The following POGLUT3 variants were observed in gnomAD, a reference collection of about 807,000 sequenced individuals.
The protein encoded by POGLUT3 is protein O-glucosyltransferase 3, also known as KDEL (Lys-Asp-Glu-Leu) containing 2.
In POGLUT3, 48 loss-of-function variants were observed where a neutral mutation model predicts 54.3. The ratio of observed to expected loss-of-function variants is 0.88; its 90% CI spans 0.70 to 1.12. The LOEUF (loss-of-function observed/expected upper bound fraction) is 1.12, where lower values mean the gene tolerates loss of function less well. POGLUT3 is among the 50% of genes most tolerant of loss of function. The pLI is 0.00. For synonymous variants in POGLUT3, 218 were observed against 237.4 expected, an observed-to-expected ratio of 0.92 and a Z score of 0.75; for missense variants, 629 against 618.7, an observed-to-expected ratio of 1.02 and a Z score of -0.18.
At chr11:108,478,003 G>T (rs1469945864) in intron 6 of POGLUT3, 2 of 319,664 alleles carry the variant, frequency 6.3e-6, no homozygotes, top group Non-Finnish European at 1.2e-5. Context: ...ACAAAAATTA[G>T]CTGGGTGTGG....
At chr11:108,475,454 G>GTTT (rs1182179068) in intron 7 of POGLUT3, among the ~76,000 whole-genome samples, 1,147 of 109,114 alleles carry the variant, frequency 0.011, 71 homozygotes, top group African/African-American at 0.021. Flanking sequence ...TATAAATGGA[G>GTTT]TTTTTTTTGT....
At chr11:108,497,066 T>C (rs752943008) in intron 1 of POGLUT3, among the ~76,000 whole-genome samples, 4 of 152,240 alleles carry the variant, frequency 2.6e-5, no homozygotes, top group Non-Finnish European at 5.9e-5. Flanking sequence ...CACTGCACTC[T>C]GTACATACCT....
chr11:108,492,009 G>A (rs1413914668), intron 1 of POGLUT3, among the ~76,000 whole-genome samples: 1 of 152,002 alleles, frequency 6.6e-6, no homozygotes, highest in Non-Finnish European at 1.5e-5. Flanking sequence ...CAAATTTCAA[G>A]TGGTACTTCT....
intron 3 of POGLUT3, among the ~76,000 whole-genome samples, chr11:108,484,119 G>A (rs2093598177): frequency 6.6e-6 from 1 of 152,110 alleles, no homozygotes; most frequent in Non-Finnish European, 1.5e-5. Flanking sequence ...ACTGTAGGAT[G>A]CTTACCCACT....
chr11:108,479,559 A>AATACCACTGAATACAGTGTTCTGC (rs2093588870), intron 5 of POGLUT3, 64 bp from the exon 6 acceptor site: 1 of 1,227,932 alleles, frequency 8.1e-7, no homozygotes, highest in Non-Finnish European at 1.1e-6. Flanking sequence ...TCTGCTCCTC[A>AATACCACTGAATACAGTGTTCTGC]TCAACACTGT....
In POGLUT3 at chr11:108,486,417, C is replaced by G. The variant is rs1188966816; in HGVS notation, c.424G>C (p.Glu142Gln). 10 of 1,614,094 alleles carry G rather than the reference C, an allele frequency of 6.2e-6. No homozygotes were observed. Among genetic ancestry groups the G allele is most frequent in the Non-Finnish European group, 7.6e-6 (9 of 1,180,014 alleles). ...LKGPVYHEYCECPEDPQAWQK... is the reference protein window; with the variant it reads ...LKGPVYHEYCQCPEDPQAWQK... ...CAGGCCTGAGGATCTTCCGGACACT[C>G]ACAGTACTCATGGTACACTGGTCCT... The change falls in exon 3 of 8, where the codon GAG becomes CAG. Residue 142 changes from glutamate (E) to glutamine (Q), a missense_variant. Physicochemically the swap from Glu to Gln is conservative, Grantham distance 29. Coordinates refer to ENST00000323468, the MANE Select transcript of POGLUT3 (RefSeq NM_153705.5).
rs766673796 is a variant in POGLUT3 at position 108,481,227 on chromosome 11, T to C, written c.1051A>G (p.Lys351Glu). Reference sequence around the variant, plus strand: ...ATCAACTTGGCTTTTCCAAGCTCCTTTTCTTTCTCTTGGAAAAAGAAATAT... The same window carrying C: ...ATCAACTTGGCTTTTCCAAGCTCCTCTTCTTTCTCTTGGAAAAAGAAATAT... Reference protein sequence around the residue: ...TGYFFFQEKEKELGKAKLMGF... With the variant: ...TGYFFFQEKEEELGKAKLMGF... The change falls in exon 5 of 8, where the codon AAG (lysine) becomes GAG (glutamate). Residue 351 changes from lysine to glutamate, a missense_variant. Lys to Glu is a moderately conservative substitution (Grantham distance 56). Transcript: ENST00000323468. The C allele has an allele frequency of 7.7e-5, 124 of 1,612,054 alleles. 1 individual carries two copies. In the South Asian group the frequency reaches 1.3e-3, roughly 17 times the overall value.
chr11:108,477,586 G>T (rs1478425372), intron 7 of POGLUT3, 21 bp downstream of exon 7: 1 of 1,465,054 alleles, frequency 6.8e-7, no homozygotes, highest in East Asian at 2.3e-5. Context: ...CCAGCAGTGT[G>T]GACGGACACT....
chr11:108,492,830 T>C (rs1209194686), intron 1 of POGLUT3, among the ~76,000 whole-genome samples: 1 of 152,214 alleles, frequency 6.6e-6, no homozygotes, highest in Admixed American at 6.5e-5. Context: ...TTATTAGAAA[T>C]GTTGGCCAGT....
Position 108,486,138 on chromosome 11 carries a change from A to C in POGLUT3, c.684+19T>G. On this transcript the variant is annotated intron_variant, in intron 3 of 7. Transcript: ENST00000323468. ...ACCTAAATAATTAAACTGTATTATC[A>C]ATTCATTCATTCTCCTACCTTTCTT... 6.5e-7 allele frequency: 1 copy of C among 1,544,444 alleles called. No homozygotes were observed. The highest frequency in any genetic ancestry group is 8.9e-7 in the Non-Finnish European group (1 of 1,120,242).
intron 3 of POGLUT3, among the ~76,000 whole-genome samples, chr11:108,483,314 T>C (rs367850814): frequency 6.6e-6 from 1 of 152,174 alleles, no homozygotes; most frequent in Non-Finnish European, 1.5e-5. Flanking sequence ...CACCTCAACA[T>C]GTAATTCCAT....
In POGLUT3 at chr11:108,482,135, G is replaced by C; in HGVS notation, c.772C>G (p.Pro258Ala). ...AGAGAGCCACACCATGAAATGATAGGTATGGGGCTAGGGGTTCCATTGACT... is the reference window on the plus strand; with the variant it reads ...AGAGAGCCACACCATGAAATGATAGCTATGGGGCTAGGGGTTCCATTGACT... Reference protein sequence around the residue: ...RKVNGTPSPIPIISWCGSLDS... With the variant: ...RKVNGTPSPIAIISWCGSLDS... Residue 258 changes from proline to alanine, a missense_variant, in exon 4 of 8, where the codon CCT becomes GCT. Transcript: ENST00000323468. 6.2e-7 allele frequency: 1 copy of C among 1,613,986 alleles called. No homozygotes were observed. Among genetic ancestry groups the C allele is most frequent in the South Asian group, 1.1e-5 (1 of 91,086 alleles).
At chr11:108,494,423 C>T (rs913223402) in intron 1 of POGLUT3, among the ~76,000 whole-genome samples, 2 of 152,180 alleles carry the variant, frequency 1.3e-5, no homozygotes, top group Admixed American at 6.5e-5. Context: ...CGACGAACAC[C>T]CTCCAAGATC....
Position 108,474,683 on chromosome 11 carries a change from G to C in POGLUT3, c.*144C>G. The C allele has an allele frequency of 1.3e-6, 1 of 771,450 alleles. No individual in the cohort carries two copies. The highest frequency in any genetic ancestry group is 2.0e-6 in the Non-Finnish European group (1 of 488,236). 47.8% of individuals were successfully genotyped at this position (771,450 alleles called of 1,614,324 possible). On this transcript the variant is annotated 3_prime_UTR_variant, in exon 8 of 8. Transcript: ENST00000323468. ...ATTTCAGATGAGGGATACTCAACCA[G>C]TACTGCTATATCCATCTACATATAT...
chr11:108,486,344 T>A lies in POGLUT3; in HGVS notation c.497A>T (p.Asp166Val). The A allele has an allele frequency of 1.2e-6, 2 of 1,614,146 alleles. No homozygotes were observed. The highest frequency in any genetic ancestry group is 4.5e-5 in the East Asian group (2 of 44,868). Residue 166 changes from aspartate (D) to valine (V), a missense_variant, in exon 3 of 8, where the codon GAT (aspartate) becomes GTT (valine). Asp to Val is a radical substitution (Grantham distance 152, BLOSUM62 -3). Transcript: ENST00000323468. ...CPTKEPQIAK[D>V]FASFPSINLQ... ...ATTGATGCTGGGAAAGGAAGCAAAA[T>A]CTTTTGCAATCTGTGGTTCCTTGGT... is the stretch of plus-strand genomic sequence containing the variant.
At chr11:108,475,284 T>C (rs1336645666) in intron 7 of POGLUT3, among the ~76,000 whole-genome samples, 1 of 152,152 alleles carries the variant, frequency 6.6e-6, no homozygotes, top group African/African-American at 2.4e-5. Context: ...ATTGAATAAT[T>C]AACTTTGTTG....
At chr11:108,488,449 G>A (rs1412034019) in intron 2 of POGLUT3, among the ~76,000 whole-genome samples, 3 of 152,218 alleles carry the variant, frequency 2.0e-5, no homozygotes, top group African/African-American at 7.2e-5. Flanking sequence ...CTTTGAGGTT[G>A]TAGTACAGGG....
Position 108,497,899 on chromosome 11 carries a change from G to A in POGLUT3, c.202+266C>T, listed in dbSNP as rs2093625100. Among the ~76,000 whole-genome samples, 3 of 152,246 alleles carry A rather than the reference G, an allele frequency of 2.0e-5. No homozygotes were observed. In the South Asian group the frequency reaches 6.2e-4, roughly 31 times the overall value. ...ACGGCACACTCCTTGTAACGCCCGG[G>A]CGCCGTCCATTCGCAACATCAGTCC... On this transcript the variant is annotated intron_variant, in intron 1 of 7. Transcript: ENST00000323468.
At chr11:108,496,924 T>C (rs535037191) in intron 1 of POGLUT3, among the ~76,000 whole-genome samples, 1 of 152,366 alleles carries the variant, frequency 6.6e-6, no homozygotes, top group East Asian at 1.9e-4. Flanking sequence ...CACGGTCTCC[T>C]ACGCCTCTGT....
Sources: gnomAD v4.1 joint callset for allele counts (sites outside exome capture counted in the v4.1 genomes callset) on GRCh38, gnomAD v4.1.1 for gene constraint, MANE v1.5 for transcripts, NCBI Gene and HGNC (gene_info 2026-07-23, HGNC 2026-07-21) for gene names.